Variants in ABTB2 observed in about 807,000 individuals in gnomAD.
ABTB2 encodes the protein ankyrin repeat and BTB/POZ domain-containing protein 2.
A neutral mutation model predicts 104.1 loss-of-function variants in ABTB2; 56 were observed. That is an observed-to-expected ratio of 0.54 (90% CI 0.43 to 0.67). The LOEUF is 0.67. Among genes scored for constraint, ABTB2 ranks in the 30% least tolerant of loss-of-function variants. The pLI is 0.00. For missense variants in ABTB2, 1,279 were observed against 1,407.7 expected (o/e 0.91, Z 1.46); for synonymous variants, 606 against 608.2 (o/e 1.00, Z 0.05).
intron 1 of ABTB2, among the ~76,000 whole-genome samples, chr11:34,338,917 G>T (rs1253674351): frequency 6.6e-6 from 1 of 152,174 alleles, no homozygotes; most frequent in South Asian, 2.1e-4. Context: ...ATGGTAGCAA[G>T]AGCACTCCCT....
At chr11:34,232,593 CCTT>C (rs1461947197) in intron 1 of ABTB2, among the ~76,000 whole-genome samples, 1 of 152,146 alleles carries the variant, frequency 6.6e-6, no homozygotes, top group Non-Finnish European at 1.5e-5. Flanking sequence ...CAATCTGTAG[CCTT>C]CTCTCACAGA....
In ABTB2 at chr11:34,160,885, G is replaced by A. The variant is rs763063010; in HGVS notation, c.2397+18C>T. On this transcript the variant is annotated intron_variant, in intron 11 of 16. Coordinates refer to ENST00000435224, the MANE Select transcript of ABTB2 (RefSeq NM_145804.3). The stretch of plus-strand genomic sequence containing the variant: ...GTCTGGGCCGTGGGCTTGGGAACTG[G>A]CCACTGGCCACACTTACTTTGCTGG... 19 of 1,586,344 alleles carry A rather than the reference G, an allele frequency of 1.2e-5. No individual in the cohort carries two copies. The highest frequency in any genetic ancestry group is 1.7e-4 in the Middle Eastern group (1 of 5,890).
chr11:34,280,654 C>CA (rs1283352818), intron 1 of ABTB2, among the ~76,000 whole-genome samples: 1 of 152,208 alleles, frequency 6.6e-6, no homozygotes, highest in Admixed American at 6.5e-5. Flanking sequence ...CGGACAATCT[C>CA]AACACCCACC....
In ABTB2 at chr11:34,207,543, A is replaced by G. The variant is rs527936656; in HGVS notation, c.884-2853T>C. 4.6e-5 allele frequency among the ~76,000 whole-genome samples: 7 copies of G among 152,288 alleles called. No homozygotes were observed. The South Asian group carries it at 1.5e-3, about 32-fold the overall frequency. On this transcript the variant is annotated intron_variant, in intron 1 of 16. Coordinates refer to ENST00000435224, the MANE Select transcript of ABTB2 (RefSeq NM_145804.3). ...GTAATTTGTTCTTCCAGCAAGGGAG[A>G]CAGGACAGTCATGATCAGTAACAAC...
chr11:34,298,001 G>A (rs377713434), intron 1 of ABTB2, among the ~76,000 whole-genome samples: 2 of 151,592 alleles, frequency 1.3e-5, no homozygotes, highest in South Asian at 2.1e-4. Context: ...CTTCTGGAGG[G>A]TGCAGACCTC....
chr11:34,267,806 G>A (rs1854268719), intron 1 of ABTB2, among the ~76,000 whole-genome samples: 1 of 152,148 alleles, frequency 6.6e-6, no homozygotes, highest in Non-Finnish European at 1.5e-5. Flanking sequence ...GTTTTTTGGG[G>A]TACCTCCCCA....
chr11:34,300,017 A>G (rs1854680670), intron 1 of ABTB2, among the ~76,000 whole-genome samples: 1 of 152,222 alleles, frequency 6.6e-6, no homozygotes, highest in South Asian at 2.1e-4. Context: ...GCACAGAGTC[A>G]GAGCTCTCTG....
Position 34,151,988 on chromosome 11 carries a change from C to T in ABTB2, c.*399G>A, listed in dbSNP as rs968873129. ...CTATACATTCATAAGGATTCCTGTA[C>T]CCCCAGGAGCCCCAGTTGGGATGGT... On this transcript the variant is annotated 3_prime_UTR_variant, in exon 17 of 17. Coordinates refer to ENST00000435224, the MANE Select transcript of ABTB2 (RefSeq NM_145804.3). The T allele has an allele frequency of 1.7e-5, 4 of 228,742 alleles. No homozygotes were observed. The highest frequency in any genetic ancestry group is 2.6e-5 in the Non-Finnish European group (3 of 115,240). The allele number at this position is 228,742 out of a possible 1,614,324, so 14.2% of individuals were successfully genotyped here. A position where few individuals can be genotyped will look rare whatever the true frequency, so the allele number is the denominator to read the frequency against.
chr11:34,255,908 C>T (rs1191013409), intron 1 of ABTB2, among the ~76,000 whole-genome samples: 1 of 152,182 alleles, frequency 6.6e-6, no homozygotes, highest in Non-Finnish European at 1.5e-5. Flanking sequence ...CCACAATGGC[C>T]TCAAGGACAT....
intron 1 of ABTB2, among the ~76,000 whole-genome samples, chr11:34,323,906 CTTTTTTTTTTTTT>C (rs56375939): frequency 3.1e-5 from 2 of 63,878 alleles, no homozygotes; most frequent in Non-Finnish European, 2.7e-5. Flanking sequence ...TAAATTCCCT[CTTTTTTTTTTTTT>C]TTTTTTTTTT....
Position 34,196,284 on chromosome 11 carries a change from T to C in ABTB2, c.1244+1041A>G, listed in dbSNP as rs200445794. Among the ~76,000 whole-genome samples, 36 of 152,314 alleles carry C rather than the reference T, an allele frequency of 2.4e-4. No homozygotes were observed. The East Asian group carries it at 3.7e-3, about 15-fold the overall frequency. On this transcript the variant is annotated intron_variant, in intron 3 of 16. Transcript: ENST00000435224. ...AAAGGTATCCTAAGACCGGGCGCGG[T>C]GGCTCACGCCTGTAATCCCAGCACT...
chr11:34,173,353 C>A, intron 3 of ABTB2, 46 bp from the exon 4 acceptor site: 1 of 1,523,518 alleles, frequency 6.6e-7, no homozygotes. Flanking sequence ...GGGGTCCCTG[C>A]AGGGCAGCAG....
chr11:34,239,372 G>A (rs890090546), intron 1 of ABTB2, among the ~76,000 whole-genome samples: 7 of 151,886 alleles, frequency 4.6e-5, no homozygotes, highest in African/African-American at 1.7e-4. Flanking sequence ...GAGACAGGGT[G>A]CCCCATGCTG....
At chr11:34,157,015 C>G (rs1852638048) in intron 14 of ABTB2, among the ~76,000 whole-genome samples, 1 of 152,178 alleles carries the variant, frequency 6.6e-6, no homozygotes, top group Non-Finnish European at 1.5e-5. Flanking sequence ...GTTTCCTCCT[C>G]CAGAAAACAA....
intron 1 of ABTB2, among the ~76,000 whole-genome samples, chr11:34,237,637 G>A (rs897791674): frequency 2.7e-4 from 41 of 152,168 alleles, no homozygotes; most frequent in African/African-American, 9.4e-4. Flanking sequence ...GCTCACTTCT[G>A]TAATCCCAGC....
chr11:34,235,138 G>C (rs1445616289), intron 1 of ABTB2, among the ~76,000 whole-genome samples: 3 of 152,140 alleles, frequency 2.0e-5, no homozygotes, highest in African/African-American at 7.2e-5. Context: ...TGGGATTACA[G>C]GCGTGAGCCA....
Position 34,273,187 on chromosome 11 carries a change from T to C in ABTB2, c.884-68497A>G, listed in dbSNP as rs191722236. On this transcript the variant is annotated intron_variant, in intron 1 of 16. Transcript: ENST00000435224. ...GAAAGGGAGGGGAGTGAGGAAAATC[T>C]TGGCCTGACTTCCGCCACAGGGCTC... Among the ~76,000 whole-genome samples the C allele has an allele frequency of 2.9e-3, 446 of 152,348 alleles. 4 individuals carry two copies. The highest frequency in any genetic ancestry group is 0.01 in the African/African-American group (423 of 41,564).
intron 1 of ABTB2, among the ~76,000 whole-genome samples, chr11:34,348,468 C>T (rs1855359934): frequency 6.6e-6 from 1 of 152,146 alleles, no homozygotes; most frequent in Admixed American, 6.5e-5. Context: ...AACACATATG[C>T]GTTGGCTTCC....
chr11:34,216,033 T>C (rs1853545657), intron 1 of ABTB2, among the ~76,000 whole-genome samples: 1 of 152,174 alleles, frequency 6.6e-6, no homozygotes, highest in Non-Finnish European at 1.5e-5. Flanking sequence ...TGTGTAATGA[T>C]TACCTAATAA....
Sources: gnomAD v4.1 joint callset for allele counts (sites outside exome capture counted in the v4.1 genomes callset) on GRCh38, gnomAD v4.1.1 for gene constraint, MANE v1.5 for transcripts, NCBI Gene and HGNC (gene_info 2026-07-23, HGNC 2026-07-21) for gene names.